IFT43: variants seen among roughly 807,000 people sequenced by gnomAD.
The protein encoded by IFT43 is intraflagellar transport protein 43 homolog.
In IFT43, 33 loss-of-function variants were observed where a neutral mutation model predicts 32.3. That is an observed-to-expected ratio of 1.02 (90% CI 0.77 to 1.37). The LOEUF (loss-of-function observed/expected upper bound fraction) is 1.37, where lower values mean the gene tolerates loss of function less well. Ranked by LOEUF, IFT43 falls within the 40% of genes most tolerant of loss-of-function variation. IFT43 has a pLI of 0.00. For synonymous variants in IFT43, 93 were observed against 98.2 expected (o/e 0.95, Z 0.31); for missense variants, 274 against 265.9 (o/e 1.03, Z -0.21).
chr14:76,033,978 T>A (rs17783300), intron 3 of IFT43, among the ~76,000 whole-genome samples: 7,403 of 152,226 alleles, frequency 0.049, 244 homozygotes, highest in Admixed American at 0.1. Context: ...CAGAACAGGA[T>A]CATGAAGAAG....
At chr14:76,022,512 C>T (rs904483237) in intron 3 of IFT43, 118 bp downstream of exon 3, 3 of 655,000 alleles carry the variant, frequency 4.6e-6, no homozygotes, top group Non-Finnish European at 8.4e-6. Context: ...ATATACCATA[C>T]AATTCACCCA....
intron 3 of IFT43, among the ~76,000 whole-genome samples, chr14:76,036,946 G>T (rs1222834550): frequency 1.3e-5 from 2 of 151,130 alleles, no homozygotes; most frequent in Non-Finnish European, 2.9e-5. Context: ...TCCTGCCCCA[G>T]CCTCCCGATT....
chr14:75,996,850 T>C (rs888613348), intron 2 of IFT43, among the ~76,000 whole-genome samples: 2 of 152,228 alleles, frequency 1.3e-5, no homozygotes, highest in Non-Finnish European at 2.9e-5. Context: ...AAAGGAAATA[T>C]TCATTCATTT....
chr14:76,017,277 A>G (rs1407563125), intron 2 of IFT43, among the ~76,000 whole-genome samples: 1 of 152,158 alleles, frequency 6.6e-6, no homozygotes, highest in Non-Finnish European at 1.5e-5. Flanking sequence ...CAATCATATC[A>G]AATGCTTTTT....
chr14:76,002,384 T>G (rs940683092), intron 2 of IFT43, among the ~76,000 whole-genome samples: 1 of 151,816 alleles, frequency 6.6e-6, no homozygotes, highest in African/African-American at 2.4e-5. Context: ...GGTGGCATGA[T>G]GTCATCGACC....
intron 5 of IFT43, among the ~76,000 whole-genome samples, chr14:76,060,056 T>C (rs559808888): frequency 6.6e-6 from 1 of 152,144 alleles, no homozygotes; most frequent in African/African-American, 2.4e-5. Context: ...AATGGCTAGC[T>C]ATATAAACGC....
At chr14:76,071,974 G>A (rs759815159) in intron 5 of IFT43, among the ~76,000 whole-genome samples, 5 of 152,084 alleles carry the variant, frequency 3.3e-5, no homozygotes, top group Admixed American at 2.6e-4. Context: ...CCAGCCTCCT[G>A]TTGCATATCG....
chr14:76,047,279 C>A (rs949096102), intron 3 of IFT43, among the ~76,000 whole-genome samples: 4 of 152,156 alleles, frequency 2.6e-5, no homozygotes, highest in Admixed American at 2.6e-4. Context: ...GCACGTATAC[C>A]TTGGCTGGCC....
intron 2 of IFT43, among the ~76,000 whole-genome samples, chr14:76,000,462 C>T (rs1453411828): frequency 2.0e-5 from 3 of 150,968 alleles, no homozygotes; most frequent in Admixed American, 6.6e-5. Flanking sequence ...TTAGTAGAGA[C>T]GGGGTTTCAC....
In IFT43 at chr14:75,985,821, G is replaced by A. The variant is rs754792338; in HGVS notation, c.35G>A (p.Arg12His). The A allele has an allele frequency of 6.2e-7, 1 of 1,614,174 alleles. No individual in the cohort carries two copies. Among genetic ancestry groups the A allele is most frequent in the Non-Finnish European group, 8.5e-7 (1 of 1,180,018 alleles). The change falls in exon 1 of 9, where the codon CGC becomes CAC. Residue 12 changes from arginine (R) to histidine (H), a missense_variant. Coordinates refer to ENST00000314067, the MANE Select transcript of IFT43 (RefSeq NM_001102564.3). ...EDLLDLDEEL[R>H]YSLATSRAKM... ...TTGCTCGACTTGGACGAGGAGCTTCGCTACAGCTTGGCTACCTCCGTGAGG... is the reference window on the plus strand; with the variant it reads ...TTGCTCGACTTGGACGAGGAGCTTCACTACAGCTTGGCTACCTCCGTGAGG...
At chr14:76,036,408 C>CTTTTTT (rs3086747) in intron 3 of IFT43, among the ~76,000 whole-genome samples, 4 of 119,750 alleles carry the variant, frequency 3.3e-5, no homozygotes, top group Non-Finnish European at 5.1e-5. Flanking sequence ...TTCTGTCTTT[C>CTTTTTT]TTTTTTTTTT....
intron 2 of IFT43, among the ~76,000 whole-genome samples, chr14:75,989,814 T>C (rs777252784): frequency 6.6e-6 from 1 of 152,172 alleles, no homozygotes; most frequent in Non-Finnish European, 1.5e-5. Context: ...AAGAGACCCA[T>C]GCTGAGAAGC....
At chr14:76,064,526 A>G (rs955099931) in intron 5 of IFT43, among the ~76,000 whole-genome samples, 2 of 152,236 alleles carry the variant, frequency 1.3e-5, no homozygotes, top group Admixed American at 6.5e-5. Context: ...CAACGATTCT[A>G]GAGCCTCTGG....
At chr14:75,990,473 G>A (rs372635896) in intron 2 of IFT43, among the ~76,000 whole-genome samples, 6 of 152,288 alleles carry the variant, frequency 3.9e-5, no homozygotes, top group African/African-American at 1.4e-4. Context: ...GGAAGGCAGA[G>A]GTTGTGTCTT....
intron 3 of IFT43, among the ~76,000 whole-genome samples, chr14:76,033,938 T>C (rs1490229671): frequency 6.6e-6 from 1 of 152,124 alleles, no homozygotes; most frequent in African/African-American, 2.4e-5. Flanking sequence ...ATAGCGGAGA[T>C]AGGAGTCAAG....
At position 76,022,403 on chromosome 14, in the gene IFT43, C is replaced by T; in HGVS notation, c.215+9C>T. The T allele has an allele frequency of 1.3e-6, 2 of 1,555,490 alleles. No homozygotes were observed. Among genetic ancestry groups the T allele is most frequent in the Non-Finnish European group, 1.8e-6 (2 of 1,126,686 alleles). On this transcript the variant is annotated intron_variant, in intron 3 of 8. Coordinates refer to ENST00000314067, the MANE Select transcript of IFT43 (RefSeq NM_001102564.3). ...TCCGTGAAGGCTTCGAAGTGAGTACCAGCAGCTCATAAGAGTATGGGTGGG... is the reference window on the plus strand; with the variant it reads ...TCCGTGAAGGCTTCGAAGTGAGTACTAGCAGCTCATAAGAGTATGGGTGGG...
chr14:75,992,990 C>T (rs1379630618), intron 2 of IFT43, among the ~76,000 whole-genome samples: 4 of 152,184 alleles, frequency 2.6e-5, no homozygotes, highest in Non-Finnish European at 5.9e-5. Flanking sequence ...TGCTAAGCCT[C>T]ATTTTCCTAT....
chr14:76,052,557 A>G (rs1290916118), intron 3 of IFT43, among the ~76,000 whole-genome samples: 2 of 152,206 alleles, frequency 1.3e-5, no homozygotes, highest in Admixed American at 6.5e-5. Context: ...GAATAAAACT[A>G]TGAGGATCCA....
At chr14:76,061,285 G>C (rs974840619) in intron 5 of IFT43, among the ~76,000 whole-genome samples, 1 of 152,164 alleles carries the variant, frequency 6.6e-6, no homozygotes, top group African/African-American at 2.4e-5. Flanking sequence ...TCCATTATCA[G>C]TTATTTTCAG....
Sources: gnomAD v4.1 joint callset for allele counts (sites outside exome capture counted in the v4.1 genomes callset) on GRCh38, gnomAD v4.1.1 for gene constraint, MANE v1.5 for transcripts, NCBI Gene and HGNC (gene_info 2026-07-23, HGNC 2026-07-21) for gene names.